DLG2: variants seen among roughly 807,000 people sequenced by gnomAD.
The protein encoded by DLG2 is discs large MAGUK scaffold protein 2, also known as disks large homolog 2.
A neutral mutation model predicts 132.5 loss-of-function variants in DLG2; 45 were observed. The observed-to-expected ratio is 0.34, with a 90% confidence interval of 0.27 to 0.44. The LOEUF (loss-of-function observed/expected upper bound fraction) is 0.44, where lower values mean the gene tolerates loss of function less well. Among genes scored for constraint, DLG2 ranks in the 20% least tolerant of loss-of-function variants. The pLI is 1.00. For missense variants in DLG2, 1,045 were observed against 1,196.9 expected (o/e 0.87, Z 1.87); for synonymous variants, 424 against 419.6 (o/e 1.01, Z -0.13).
At chr11:84,040,026 A>C (rs1473176483) in intron 11 of DLG2, among the ~76,000 whole-genome samples, 2 of 151,130 alleles carry the variant, frequency 1.3e-5, no homozygotes, top group African/African-American at 4.9e-5. Context: ...TTCTTTTGAG[A>C]AGTGTCTGTT....
chr11:84,380,488 G>C (rs1231643554), intron 7 of DLG2, among the ~76,000 whole-genome samples: 1 of 152,034 alleles, frequency 6.6e-6, no homozygotes, highest in Non-Finnish European at 1.5e-5. Context: ...AATTTTAAAA[G>C]TCCATTTCTA....
intron 3 of DLG2, among the ~76,000 whole-genome samples, chr11:85,316,168 T>C (rs1274244636): frequency 1.3e-5 from 2 of 151,932 alleles, no homozygotes; most frequent in Non-Finnish European, 2.9e-5. Context: ...CATCTGCAAA[T>C]AGATCAAATA....
At chr11:85,072,427 T>G (rs2065993875) in intron 6 of DLG2, among the ~76,000 whole-genome samples, 1 of 151,852 alleles carries the variant, frequency 6.6e-6, no homozygotes, top group African/African-American at 2.4e-5. Flanking sequence ...ATATAAAACT[T>G]TAAACAAACA....
chr11:85,029,798 C>A (rs938429695), intron 6 of DLG2, among the ~76,000 whole-genome samples: 1 of 152,160 alleles, frequency 6.6e-6, no homozygotes, highest in African/African-American at 2.4e-5. Context: ...GTCTCCTTTA[C>A]TCCTTCAAGT....
intron 6 of DLG2, among the ~76,000 whole-genome samples, chr11:84,621,122 T>A (rs1046076012): frequency 2.0e-5 from 3 of 152,036 alleles, no homozygotes; most frequent in African/African-American, 7.2e-5. Flanking sequence ...TGGGAAAAGG[T>A]ACCCTCAAAG....
At chr11:83,999,591 T>A (rs2094231344) in intron 11 of DLG2, among the ~76,000 whole-genome samples, 1 of 151,906 alleles carries the variant, frequency 6.6e-6, no homozygotes. Context: ...AGTGTAACCA[T>A]ACAGTATACT....
At chr11:83,883,315 G>A (rs1000671270) in intron 15 of DLG2, among the ~76,000 whole-genome samples, 107 of 151,808 alleles carry the variant, frequency 7.0e-4, no homozygotes, top group African/African-American at 2.3e-3. Context: ...TTGGCATACC[G>A]AATTGACTTG....
chr11:84,874,758 T>C (rs1428372104), intron 6 of DLG2, among the ~76,000 whole-genome samples: 1 of 152,058 alleles, frequency 6.6e-6, no homozygotes, highest in Non-Finnish European at 1.5e-5. Flanking sequence ...CTGTGGCTCA[T>C]ATCTGTAATC....
In DLG2 at chr11:84,505,686, CATT is replaced by C. The variant is rs374151690; in HGVS notation, c.519+28881_519+28883del. 3.3e-4 allele frequency among the ~76,000 whole-genome samples: 50 copies of C among 152,098 alleles called. No homozygotes were observed. The East Asian group carries it at 7.2e-3, about 22-fold the overall frequency. ...TATGTTCAGCAATAAAAATGGTAAT[CATT>C]ATTACCATTATTTAATAGTAGCAAT... On this transcript the variant is annotated intron_variant, in intron 7 of 27. Coordinates refer to ENST00000376104, the MANE Select transcript of DLG2 (RefSeq NM_001142699.3).
chr11:85,161,540 A>G (rs2078030991), intron 4 of DLG2, among the ~76,000 whole-genome samples: 1 of 152,200 alleles, frequency 6.6e-6, no homozygotes, highest in Non-Finnish European at 1.5e-5. Context: ...GTTACTCCGG[A>G]TATGGGTTTG....
At chr11:84,433,951 T>C (rs777569949) in intron 7 of DLG2, among the ~76,000 whole-genome samples, 4 of 151,666 alleles carry the variant, frequency 2.6e-5, no homozygotes, top group Non-Finnish European at 4.4e-5. Context: ...ACCTCATCTC[T>C]ACAAAAAAAT....
At chr11:83,661,687 CAAGGGCTACTGCAGTGCTCA>C (rs1354470688) in intron 18 of DLG2, among the ~76,000 whole-genome samples, 2 of 152,148 alleles carry the variant, frequency 1.3e-5, no homozygotes, top group East Asian at 3.9e-4. Context: ...GGAATAAGGA[CAAGGGCTACTGCAGTGCTCA>C]AGACAGCTTT....
chr11:85,052,006 A>G (rs1366030604), intron 6 of DLG2, among the ~76,000 whole-genome samples: 2 of 152,188 alleles, frequency 1.3e-5, no homozygotes, highest in Non-Finnish European at 2.9e-5. Flanking sequence ...AATAATGATA[A>G]AATAGCTAGA....
intron 7 of DLG2, among the ~76,000 whole-genome samples, chr11:84,340,221 C>A (rs544622401): frequency 1.3e-5 from 2 of 152,338 alleles, no homozygotes; most frequent in South Asian, 4.1e-4. Flanking sequence ...TTGCTTTTAA[C>A]ACAAAACCCC....
chr11:84,055,402 T>C (rs972393215), intron 11 of DLG2, among the ~76,000 whole-genome samples: 3 of 152,152 alleles, frequency 2.0e-5, no homozygotes, highest in Admixed American at 6.6e-5. Flanking sequence ...TTATCATGTG[T>C]CACTCATGCT....
intron 13 of DLG2, 80 bp downstream of exon 13, chr11:83,965,244 T>A (rs1274558380): frequency 7.0e-7 from 1 of 1,433,494 alleles, no homozygotes; most frequent in Non-Finnish European, 9.5e-7. Flanking sequence ...AAGGTACAAG[T>A]AGAACACTTT....
chr11:85,202,530 C>T (rs1163233724), intron 4 of DLG2, among the ~76,000 whole-genome samples: 1 of 152,062 alleles, frequency 6.6e-6, no homozygotes, highest in African/African-American at 2.4e-5. Flanking sequence ...TTAAAATGCC[C>T]TCTAGACCAC....
intron 7 of DLG2, among the ~76,000 whole-genome samples, chr11:84,442,148 C>T (rs2099019162): frequency 6.6e-6 from 1 of 152,014 alleles, no homozygotes; most frequent in Admixed American, 6.6e-5. Context: ...TTTTCTGATT[C>T]TGTGAAGAAA....
intron 12 of DLG2, among the ~76,000 whole-genome samples, chr11:83,966,351 C>T (rs1396767451): frequency 6.6e-6 from 1 of 151,910 alleles, no homozygotes; most frequent in Non-Finnish European, 1.5e-5. Context: ...CTATTCAGAA[C>T]ACGTCTTTTC....
Sources: allele counts gnomAD v4.1 joint callset (sites outside exome capture counted in the v4.1 genomes callset), GRCh38; gene constraint gnomAD v4.1.1; transcripts MANE v1.5; gene names NCBI Gene and HGNC (gene_info 2026-07-23, HGNC 2026-07-21).